KIAA1217: variants seen among roughly 807,000 people sequenced by gnomAD.
KIAA1217 encodes KIAA1217, also known as sickle tail protein homolog.
Under a neutral mutation model 163.9 loss-of-function variants are expected in KIAA1217, and 88 were observed. The ratio of observed to expected loss-of-function variants is 0.54; its 90% CI spans 0.45 to 0.64. KIAA1217 has a LOEUF of 0.64. Among genes scored for constraint, KIAA1217 ranks in the 30% least tolerant of loss-of-function variants. The pLI is 0.00. For missense variants in KIAA1217, 2,372 were observed against 2,475.0 expected, an observed-to-expected ratio of 0.96 and a Z score of 0.88; for synonymous variants, 903 against 923.1, an observed-to-expected ratio of 0.98 and a Z score of 0.39.
chr10:23,739,510 C>T (rs180882783), intron 1 of KIAA1217, among the ~76,000 whole-genome samples: 33 of 152,168 alleles, frequency 2.2e-4, no homozygotes, highest in South Asian at 6.2e-4. Flanking sequence ...AGAGTGTCAG[C>T]GTGGCTTGAG....
chr10:23,730,542 A>AT (rs1341155930), intron 1 of KIAA1217, among the ~76,000 whole-genome samples: 1 of 152,070 alleles, frequency 6.6e-6, no homozygotes, highest in African/African-American at 2.4e-5. Context: ...ATTTGCTAGG[A>AT]TTTTTATTTT....
chr10:24,242,564 T>C (rs1267627272), intron 2 of KIAA1217, among the ~76,000 whole-genome samples: 2 of 152,302 alleles, frequency 1.3e-5, no homozygotes, highest in Non-Finnish European at 2.9e-5. Flanking sequence ...AGTGCATGTG[T>C]CTTCTCGGTA....
chr10:24,529,572 C>CT (rs1355911138), intron 14 of KIAA1217, among the ~76,000 whole-genome samples: 1 of 152,064 alleles, frequency 6.6e-6, no homozygotes, highest in East Asian at 1.9e-4. Context: ...ACCAACTGCA[C>CT]TTGTCTCCTC....
intron 1 of KIAA1217, among the ~76,000 whole-genome samples, chr10:23,852,416 A>G (rs1318039365): frequency 6.6e-6 from 1 of 152,184 alleles, no homozygotes; most frequent in African/African-American, 2.4e-5. Context: ...TGGTTACTGT[A>G]GCCTTGTAGT....
chr10:24,047,936 A>C (rs372335754), intron 2 of KIAA1217, among the ~76,000 whole-genome samples: 4 of 152,274 alleles, frequency 2.6e-5, no homozygotes, highest in East Asian at 3.9e-4. Flanking sequence ...TTTTCCTAAT[A>C]ATAAGGAGCA....
At chr10:24,332,352 G>A (rs950316739) in intron 2 of KIAA1217, among the ~76,000 whole-genome samples, 2 of 152,190 alleles carry the variant, frequency 1.3e-5, no homozygotes, top group Non-Finnish European at 2.9e-5. Context: ...ACTAGAAAAG[G>A]TGCGAGATGT....
chr10:24,475,691 G>A (rs1311219928), intron 6 of KIAA1217, among the ~76,000 whole-genome samples: 1 of 152,168 alleles, frequency 6.6e-6, no homozygotes, highest in Non-Finnish European at 1.5e-5. Flanking sequence ...ATCAAAGAAA[G>A]GGACTCTTCC....
chr10:24,539,477 C>T (rs1361350799), intron 17 of KIAA1217, among the ~76,000 whole-genome samples: 2 of 152,048 alleles, frequency 1.3e-5, no homozygotes, highest in Non-Finnish European at 2.9e-5. Context: ...GTGATCCACC[C>T]GCCTCAGACT....
chr10:23,813,857 T>G (rs1018062656), intron 1 of KIAA1217, among the ~76,000 whole-genome samples: 3 of 152,212 alleles, frequency 2.0e-5, no homozygotes, highest in African/African-American at 7.2e-5. Context: ...TGTTTCATTA[T>G]GTCCTTATCA....
At chr10:24,311,958 A>G (rs1449068964) in intron 2 of KIAA1217, among the ~76,000 whole-genome samples, 1 of 152,014 alleles carries the variant, frequency 6.6e-6, no homozygotes, top group African/African-American at 2.4e-5. Context: ...CATTGATGAG[A>G]TGCTCTCTGC....
At chr10:24,277,968 C>A (rs1026232836) in intron 2 of KIAA1217, among the ~76,000 whole-genome samples, 1 of 152,228 alleles carries the variant, frequency 6.6e-6, no homozygotes, top group Non-Finnish European at 1.5e-5. Context: ...CTTTGTGATG[C>A]TTTTGGACAG....
chr10:24,498,588 G>A (rs2067118383), intron 8 of KIAA1217, among the ~76,000 whole-genome samples: 1 of 152,136 alleles, frequency 6.6e-6, no homozygotes, highest in South Asian at 2.1e-4. Context: ...TTTGGCCGAG[G>A]CAGGAGGATC....
At chr10:24,187,263 C>T (rs2066481114) in intron 2 of KIAA1217, among the ~76,000 whole-genome samples, 1 of 152,144 alleles carries the variant, frequency 6.6e-6, no homozygotes, top group Non-Finnish European at 1.5e-5. Context: ...TCATTCTTTT[C>T]TCTTTTGTAT....
intron 2 of KIAA1217, among the ~76,000 whole-genome samples, chr10:24,062,636 G>T (rs1355057171): frequency 1.4e-4 from 21 of 151,420 alleles, no homozygotes; most frequent in Admixed American, 4.6e-4. Flanking sequence ...TGATTTATAA[G>T]CCTTTGGGTA....
In KIAA1217 at chr10:23,984,183, G is replaced by A. The variant is rs542380601; in HGVS notation, c.-320-23042G>A. On this transcript the variant is annotated intron_variant, in intron 1 of 18. Transcript: ENST00000376462. Reference sequence around the variant, plus strand: ...TCCATGGCTCTTCACTCCACCCTACGAGAGAAGCTTCCTTTTCCATCCTCT... The same window carrying A: ...TCCATGGCTCTTCACTCCACCCTACAAGAGAAGCTTCCTTTTCCATCCTCT... 2.6e-5 allele frequency among the ~76,000 whole-genome samples: 4 copies of A among 152,262 alleles called. No homozygotes were observed. The East Asian group carries it at 5.8e-4, about 22-fold the overall frequency.
At position 24,542,677 on chromosome 10, in the gene KIAA1217, T is replaced by C; in HGVS notation, c.3535-16T>C. ...TGTGGTTTTGTGGAGTAACATGTCC[T>C]ACACTATTCTACCAGAATTTGGAAT... On this transcript the variant is annotated splice_polypyrimidine_tract_variant and intron_variant, in intron 17 of 20. Transcript: ENST00000376454. 1.2e-6 allele frequency: 2 copies of C among 1,611,766 alleles called. No homozygotes were observed. The highest frequency in any genetic ancestry group is 1.1e-5 in the South Asian group (1 of 91,036).
intron 1 of KIAA1217, among the ~76,000 whole-genome samples, chr10:23,835,448 C>A (rs970049128): frequency 6.6e-6 from 1 of 152,142 alleles, no homozygotes; most frequent in African/African-American, 2.4e-5. Context: ...CCCTCCACCC[C>A]CTGCTAGCAT....
intron 1 of KIAA1217, among the ~76,000 whole-genome samples, chr10:23,800,184 T>C (rs933151049): frequency 2.6e-5 from 4 of 152,166 alleles, no homozygotes; most frequent in African/African-American, 9.7e-5. Flanking sequence ...AATAGCATAA[T>C]AGGAAATAAG....
intron 2 of KIAA1217, among the ~76,000 whole-genome samples, chr10:24,349,975 T>A (rs758232513): frequency 3.3e-5 from 5 of 152,104 alleles, no homozygotes; most frequent in Admixed American, 1.3e-4. Context: ...GGGACAGGAA[T>A]AGAATCCTGG....
Sources: gnomAD v4.1 joint callset for allele counts (sites outside exome capture counted in the v4.1 genomes callset) on GRCh38, gnomAD v4.1.1 for gene constraint, MANE v1.5 for transcripts, NCBI Gene and HGNC (gene_info 2026-07-23, HGNC 2026-07-21) for gene names.